THSD7A: variants seen among roughly 807,000 people sequenced by gnomAD.
THSD7A encodes the protein thrombospondin type 1 domain containing 7A.
A neutral mutation model predicts 231.3 loss-of-function variants in THSD7A; 96 were observed. The observed-to-expected ratio is 0.41, with a 90% CI of 0.35 to 0.49. The LOEUF is 0.49. Ranked by LOEUF, THSD7A falls within the 20% of genes least tolerant of loss-of-function variation. The pLI is 0.05. For missense variants in THSD7A, 2,290 were observed against 2,070.2 expected (o/e 1.11, Z -2.06); for synonymous variants, 940 against 743.3 (o/e 1.26, Z -4.30).
In THSD7A at chr7:11,646,994, A is replaced by C. The variant is rs1782308487; in HGVS notation, c.191-10033T>G. Among the ~76,000 whole-genome samples, 7 of 152,148 alleles carry C rather than the reference A, an allele frequency of 4.6e-5. No individual in the cohort carries two copies. In the South Asian group the frequency reaches 1.4e-3, roughly 31 times the overall value. On this transcript the variant is annotated intron_variant, in intron 1 of 27. Coordinates refer to ENST00000423059, the MANE Select transcript of THSD7A (RefSeq NM_015204.3). ...GGTTATGACTTTGTGGGACCTTCTG[A>C]GGAGATTTATGAAATGCGTCTCAGA...
rs35979869 is a variant in THSD7A at position 11,438,016 on chromosome 7, G to GT, written c.3064+8044dup. Reference sequence around the variant, plus strand: ...CATCCACGATGTATTCCTTTTCCAGGTTTTTTTTTTGATGATTCTTTCCTG... The same window carrying GT: ...CATCCACGATGTATTCCTTTTCCAGGTTTTTTTTTTTGATGATTCTTTCCTG... On this transcript the variant is annotated intron_variant, in intron 13 of 27. Transcript: ENST00000423059. Among the ~76,000 whole-genome samples, 184 of 148,826 alleles carry GT rather than the reference G, an allele frequency of 1.2e-3. 3 individuals are homozygous for GT. In the East Asian group the frequency reaches 0.015, roughly 12 times the overall value.
intron 23 of THSD7A, among the ~76,000 whole-genome samples, chr7:11,388,778 C>T (rs937253675): frequency 6.6e-6 from 1 of 152,084 alleles, no homozygotes; most frequent in African/African-American, 2.4e-5. Flanking sequence ...TAGATCATTC[C>T]TGCTTTCTAT....
chr7:11,585,581 T>G lies in THSD7A; in HGVS notation c.1453+4879A>C, dbSNP rs189285114. 8.8e-3 allele frequency among the ~76,000 whole-genome samples: 1,344 copies of G among 152,262 alleles called. 15 individuals are homozygous for G. Among genetic ancestry groups the G allele is most frequent in the Non-Finnish European group, 0.013 (866 of 68,000 alleles). On this transcript the variant is annotated intron_variant, in intron 4 of 27. Coordinates refer to ENST00000423059, the MANE Select transcript of THSD7A (RefSeq NM_015204.3). ...TTCTAAATAAAGACCAAAACACTTT[T>G]AATATTAAACACTGAAATAAATCTA...
intron 2 of THSD7A, among the ~76,000 whole-genome samples, chr7:11,594,531 A>T (rs78576188): frequency 0.016 from 2,395 of 152,224 alleles, 60 homozygotes; most frequent in African/African-American, 0.054. Flanking sequence ...AAATAAATGC[A>T]TTTGACGCTC....
intron 13 of THSD7A, among the ~76,000 whole-genome samples, chr7:11,442,770 T>G (rs746994870): frequency 6.6e-6 from 1 of 152,020 alleles, no homozygotes; most frequent in Non-Finnish European, 1.5e-5. Context: ...CAATTGGACA[T>G]TCCGTCAGAT....
At chr7:11,680,475 A>C (rs1393190042) in intron 1 of THSD7A, among the ~76,000 whole-genome samples, 1 of 152,182 alleles carries the variant, frequency 6.6e-6, no homozygotes, top group African/African-American at 2.4e-5. Flanking sequence ...TAATTTCCAG[A>C]ATCTACAAGC....
intron 1 of THSD7A, among the ~76,000 whole-genome samples, chr7:11,728,517 C>G (rs533790900): frequency 6.6e-6 from 1 of 151,414 alleles, no homozygotes; most frequent in Non-Finnish European, 1.5e-5. Context: ...AAAGCTGATT[C>G]ATTTTTTCCT....
At chr7:11,580,547 G>A (rs771690514) in intron 4 of THSD7A, among the ~76,000 whole-genome samples, 3 of 152,120 alleles carry the variant, frequency 2.0e-5, no homozygotes, top group Non-Finnish European at 4.4e-5. Flanking sequence ...AAAATACTAT[G>A]CAGCCATTAA....
chr7:11,555,568 T>C (rs73052404), intron 4 of THSD7A, among the ~76,000 whole-genome samples: 7,652 of 151,926 alleles, frequency 0.05, 231 homozygotes, highest in South Asian at 0.073. Context: ...TAATCCCTTT[T>C]AGATTTTATT....
intron 13 of THSD7A, among the ~76,000 whole-genome samples, chr7:11,430,841 T>C (rs1784459022): frequency 6.6e-6 from 1 of 152,226 alleles, no homozygotes; most frequent in African/African-American, 2.4e-5. Context: ...CAGTCCTTTC[T>C]ATGATTGAAT....
chr7:11,490,026 C>A (rs185282950), intron 6 of THSD7A, among the ~76,000 whole-genome samples: 1 of 151,968 alleles, frequency 6.6e-6, no homozygotes, highest in Admixed American at 6.6e-5. Flanking sequence ...GCCTATGTTT[C>A]CACTATGCTC....
intron 1 of THSD7A, among the ~76,000 whole-genome samples, chr7:11,770,110 A>T (rs1293679401): frequency 6.6e-6 from 1 of 152,052 alleles, no homozygotes; most frequent in Admixed American, 6.6e-5. Flanking sequence ...GAGCATAAAA[A>T]CTTGAAAAAA....
At chr7:11,646,469 G>C (rs889949443) in intron 1 of THSD7A, among the ~76,000 whole-genome samples, 3 of 152,036 alleles carry the variant, frequency 2.0e-5, no homozygotes, top group Non-Finnish European at 4.4e-5. Context: ...AGCAAATCTA[G>C]TAAATGCATA....
chr7:11,639,258 T>G (rs1229557528), intron 1 of THSD7A, among the ~76,000 whole-genome samples: 1 of 152,234 alleles, frequency 6.6e-6, no homozygotes, highest in Non-Finnish European at 1.5e-5. Flanking sequence ...CTAATCAGAT[T>G]GAGGCTACTA....
At chr7:11,734,501 CT>C (rs1781841267) in intron 1 of THSD7A, among the ~76,000 whole-genome samples, 1 of 152,098 alleles carries the variant, frequency 6.6e-6, no homozygotes, top group South Asian at 2.1e-4. Context: ...TCCAAAATAT[CT>C]GCCTTACGTT....
chr7:11,728,125 C>A (rs1043421446), intron 1 of THSD7A, among the ~76,000 whole-genome samples: 3 of 151,954 alleles, frequency 2.0e-5, no homozygotes, highest in African/African-American at 7.2e-5. Context: ...GCATCAGAAT[C>A]TGCAAAATGT....
chr7:11,780,940 G>A (rs1050652121), intron 1 of THSD7A, among the ~76,000 whole-genome samples: 2 of 127,036 alleles, frequency 1.6e-5, no homozygotes, highest in African/African-American at 5.8e-5. Flanking sequence ...GCAGTGAGCC[G>A]AGATTGCGCC....
intron 4 of THSD7A, among the ~76,000 whole-genome samples, chr7:11,543,835 G>C (rs1056144666): frequency 1.1e-4 from 17 of 152,044 alleles, no homozygotes; most frequent in Middle Eastern, 3.4e-3. Flanking sequence ...TATGCCTGCA[G>C]TTTGGCTCTT....
At chr7:11,569,350 T>C (rs1432998642) in intron 4 of THSD7A, among the ~76,000 whole-genome samples, 2 of 152,040 alleles carry the variant, frequency 1.3e-5, no homozygotes, top group African/African-American at 4.8e-5. Context: ...ATAATTCCAT[T>C]AAAAAGTGGG....
Sources: gnomAD v4.1 joint callset for allele counts (sites outside exome capture counted in the v4.1 genomes callset) on GRCh38, gnomAD v4.1.1 for gene constraint, MANE v1.5 for transcripts, NCBI Gene and HGNC (gene_info 2026-07-23, HGNC 2026-07-21) for gene names.